The following OXR1 variants were observed in gnomAD, a reference collection of about 807,000 sequenced individuals.
OXR1 encodes oxidation resistance protein 1.
In OXR1, 41 loss-of-function variants were observed where a neutral mutation model predicts 104.6. That is an observed-to-expected ratio of 0.39 (90% confidence interval 0.31 to 0.51). The LOEUF is 0.51. Ranked by LOEUF, OXR1 falls within the 20% of genes least tolerant of loss-of-function variation. The pLI, the probability that OXR1 is intolerant of heterozygous loss-of-function variation, is 0.77. For synonymous variants in OXR1, 348 were observed against 348.4 expected (o/e 1.00, Z 0.01); for missense variants, 955 against 1,031.9 (o/e 0.93, Z 1.02).
intron 3 of OXR1, among the ~76,000 whole-genome samples, chr8:106,612,674 C>A (rs1820906126): frequency 6.6e-6 from 1 of 152,128 alleles, no homozygotes; most frequent in African/African-American, 2.4e-5. Context: ...TTTATTTTGA[C>A]AGAGCAGGCA....
chr8:106,439,790 G>A, intron 2 of OXR1, among the ~76,000 whole-genome samples: 1 of 152,026 alleles, frequency 6.6e-6, no homozygotes, highest in Non-Finnish European at 1.5e-5. Flanking sequence ...TCACCAAAGG[G>A]TTCAATAAAT....
chr8:106,703,127 G>C, intron 8 of OXR1, 37 bp downstream of exon 8: 1 of 1,389,390 alleles, frequency 7.2e-7, no homozygotes, highest in Non-Finnish European at 1.0e-6. Context: ...CAACTTTATT[G>C]TATCTAGATA....
At chr8:106,299,722 G>T (rs371558528) in intron 1 of OXR1, among the ~76,000 whole-genome samples, 24 of 152,140 alleles carry the variant, frequency 1.6e-4, no homozygotes, top group African/African-American at 5.8e-4. Context: ...ACTTATTGAG[G>T]ACTGACTTTG....
chr8:106,320,532 G>T (rs1486555523), intron 1 of OXR1, among the ~76,000 whole-genome samples: 2 of 152,168 alleles, frequency 1.3e-5, no homozygotes, highest in African/African-American at 4.8e-5. Flanking sequence ...TTAGGGCAAA[G>T]TAGTATTTTA....
chr8:106,516,494 A>C (rs765504797), intron 2 of OXR1, among the ~76,000 whole-genome samples: 2 of 152,128 alleles, frequency 1.3e-5, no homozygotes, highest in Non-Finnish European at 2.9e-5. Context: ...ATGAATGAAC[A>C]GTTCATTTCA....
At chr8:106,413,703 A>G (rs76577425) in intron 2 of OXR1, among the ~76,000 whole-genome samples, 2,683 of 149,870 alleles carry the variant, frequency 0.018, 70 homozygotes, top group African/African-American at 0.063. Flanking sequence ...TAGGATTAAT[A>G]TATAGCTAAT....
In OXR1 at chr8:106,480,430, G is replaced by A. The variant is rs1268399396; in HGVS notation, c.24-38513G>A. 3.9e-5 allele frequency among the ~76,000 whole-genome samples: 6 copies of A among 152,098 alleles called. No homozygotes were observed. The East Asian group carries it at 1.2e-3, about 29-fold the overall frequency. On this transcript the variant is annotated intron_variant, in intron 2 of 16. Transcript: ENST00000517566. The stretch of plus-strand genomic sequence containing the variant: ...TATGGAAAAATATTAACTGCTATGT[G>A]TATAATAATTCTCCTTTTTTTCCTT...
intron 1 of OXR1, among the ~76,000 whole-genome samples, chr8:106,346,136 C>T (rs559181351): frequency 1.4e-5 from 2 of 147,268 alleles, no homozygotes; most frequent in African/African-American, 4.9e-5. Context: ...AGAAAACTAT[C>T]GACAAAGGTA....
At chr8:106,475,218 TATAAC>T (rs1307572201) in intron 2 of OXR1, among the ~76,000 whole-genome samples, 3 of 151,964 alleles carry the variant, frequency 2.0e-5, no homozygotes, top group Non-Finnish European at 2.9e-5. Flanking sequence ...AAGCCTTACT[TATAAC>T]ATAAATAGTC....
At chr8:106,282,507 C>A (rs1430477997) in intron 1 of OXR1, among the ~76,000 whole-genome samples, 1 of 152,146 alleles carries the variant, frequency 6.6e-6, no homozygotes, top group East Asian at 1.9e-4. Context: ...AAAAACTTAA[C>A]TACTAATAGC....
intron 1 of OXR1, among the ~76,000 whole-genome samples, chr8:106,339,515 AAAAAATATATATATATATAT>A (rs1260545857): frequency 3.2e-5 from 1 of 31,260 alleles, no homozygotes; most frequent in African/African-American, 1.9e-4. Context: ...AAAAAAAAAA[AAAAAATATATATATATATAT>A]ATATATATAT....
At chr8:106,336,361 A>G (rs1039573088) in intron 1 of OXR1, among the ~76,000 whole-genome samples, 12 of 152,208 alleles carry the variant, frequency 7.9e-5, no homozygotes, top group African/African-American at 2.9e-4. Flanking sequence ...CAGCAATTCC[A>G]ATGACAGATT....
At chr8:106,744,199 A>C (rs1954790) in intron 15 of OXR1, among the ~76,000 whole-genome samples, 45,346 of 152,130 alleles carry the variant, frequency 0.3, 8,771 homozygotes, top group African/African-American at 0.55. Context: ...TGTACTCCTG[A>C]ACTTAAAAGT....
chr8:106,712,597 C>A (rs76636618), intron 10 of OXR1, among the ~76,000 whole-genome samples: 2,327 of 152,018 alleles, frequency 0.015, 35 homozygotes, highest in Admixed American at 0.047. Flanking sequence ...GTTTGTGTAC[C>A]TCTTGGAAAA....
intron 2 of OXR1, among the ~76,000 whole-genome samples, chr8:106,479,113 T>C (rs1354056814): frequency 6.6e-6 from 1 of 151,960 alleles, no homozygotes; most frequent in Non-Finnish European, 1.5e-5. Context: ...ACTTTTACAA[T>C]TCCATCCTAA....
intron 2 of OXR1, among the ~76,000 whole-genome samples, chr8:106,369,046 C>T (rs553136352): frequency 6.6e-6 from 1 of 152,336 alleles, no homozygotes; most frequent in South Asian, 2.1e-4. Flanking sequence ...TATTTCTCCA[C>T]AGCCTTGCCA....
intron 2 of OXR1, among the ~76,000 whole-genome samples, chr8:106,382,957 A>G (rs1817217054): frequency 6.6e-6 from 1 of 151,424 alleles, no homozygotes; most frequent in South Asian, 2.1e-4. Flanking sequence ...GATTTTGTGC[A>G]TCTATAGTAA....
At chr8:106,564,018 T>C (rs759255889) in intron 3 of OXR1, among the ~76,000 whole-genome samples, 2 of 152,170 alleles carry the variant, frequency 1.3e-5, no homozygotes, top group African/African-American at 2.4e-5. Flanking sequence ...TAGTACTACA[T>C]GCCCACAGGA....
chr8:106,285,296 C>A (rs1812450421), intron 1 of OXR1, among the ~76,000 whole-genome samples: 1 of 152,052 alleles, frequency 6.6e-6, no homozygotes, highest in African/African-American at 2.4e-5. Flanking sequence ...ATGTAAAATG[C>A]AGTTTTCATT....
Sources: gnomAD v4.1 joint callset for allele counts (sites outside exome capture counted in the v4.1 genomes callset) on GRCh38, gnomAD v4.1.1 for gene constraint, MANE v1.5 for transcripts, NCBI Gene and HGNC (gene_info 2026-07-23, HGNC 2026-07-21) for gene names.